Variants in MTREX observed in about 807,000 individuals in gnomAD.
MTREX encodes Mtr4 exosome RNA helicase, also known as exosome RNA helicase MTR4.
A neutral mutation model predicts 135.4 loss-of-function variants in MTREX; 76 were observed. That is an observed-to-expected ratio of 0.56 (90% CI 0.47 to 0.68). The LOEUF (loss-of-function observed/expected upper bound fraction) is 0.68. Ranked by LOEUF, MTREX falls within the 30% of genes least tolerant of loss-of-function variation. The pLI is 0.00. For synonymous variants in MTREX, 404 were observed against 401.6 expected (o/e 1.01, Z -0.07); for missense variants, 920 against 1,262.1 (o/e 0.73, Z 4.11).
rs753434003 is a variant in MTREX at position 55,350,935 on chromosome 5, C to T, written c.1337C>T (p.Pro446Leu). The change falls in exon 13 of 27, where the codon CCT becomes CTT. Residue 446 changes from proline to leucine, a missense_variant. By Grantham distance (98) the Pro-to-Leu change is moderately conservative (BLOSUM62 -3). Transcript: ENST00000230640. Reference sequence around the variant, plus strand: ...AAATCACAGGTAGAACATGTACTTCCTCTTTTGAAGAGGGGAATTGGTATT... The same window carrying T: ...AAATCACAGGTAGAACATGTACTTCTTCTTTTGAAGAGGGGAATTGGTATT... ...KKLPQVEHVL[P>L]LLKRGIGIHH... The T allele has an allele frequency of 6.2e-7, 1 of 1,601,586 alleles. No individual in the cohort carries two copies. Among genetic ancestry groups the T allele is most frequent in the Non-Finnish European group, 8.5e-7 (1 of 1,176,528 alleles).
intron 10 of MTREX, among the ~76,000 whole-genome samples, chr5:55,345,752 C>G (rs1000133028): frequency 2.9e-5 from 4 of 140,032 alleles, no homozygotes; most frequent in African/African-American, 1.1e-4. Context: ...TTGCAACTTT[C>G]TGCCTCCTGG....
At chr5:55,335,175 T>G (rs2112048390) in intron 5 of MTREX, among the ~76,000 whole-genome samples, 1 of 152,220 alleles carries the variant, frequency 6.6e-6, no homozygotes, top group East Asian at 1.9e-4. Context: ...ATTGGGTTGT[T>G]GGTCTTAATT....
At chr5:55,341,986 T>G (rs1257232363) in intron 7 of MTREX, among the ~76,000 whole-genome samples, 1 of 152,170 alleles carries the variant, frequency 6.6e-6, no homozygotes, top group Non-Finnish European at 1.5e-5. Flanking sequence ...GGATCCTAGG[T>G]AGGATCATGG....
intron 16 of MTREX, among the ~76,000 whole-genome samples, chr5:55,370,323 C>T (rs1750175818): frequency 2.6e-5 from 4 of 152,166 alleles, no homozygotes; most frequent in Admixed American, 2.6e-4. Context: ...TCAGCCTTGG[C>T]CCACATAAAC....
chr5:55,324,504 A>G lies in MTREX; in HGVS notation c.339+306A>G, dbSNP rs182272076. On this transcript the variant is annotated intron_variant, in intron 3 of 26. Coordinates refer to ENST00000230640, the MANE Select transcript of MTREX (RefSeq NM_015360.5). The stretch of plus-strand genomic sequence containing the variant: ...CTGTTGTCGACCAGGCTGGAGTGCA[A>G]TGGCGCAATCTCGGCTTACTGCAAC... The G allele has an allele frequency of 1.1e-4, 15 of 137,974 alleles. No individual in the cohort carries two copies. The East Asian group carries it at 2.1e-3, about 20-fold the overall frequency. The allele number at this position is 137,974 out of a possible 1,614,324, so 8.5% of individuals were successfully genotyped here.
intron 25 of MTREX, among the ~76,000 whole-genome samples, 186 bp from the exon 26 acceptor site, chr5:55,422,692 G>A (rs186944527): frequency 3.9e-5 from 6 of 152,178 alleles, no homozygotes; most frequent in Non-Finnish European, 8.8e-5. Flanking sequence ...TCTACCATTA[G>A]TCAAAGGTGG....
At chr5:55,372,837 G>A (rs1406085751) in intron 16 of MTREX, among the ~76,000 whole-genome samples, 1 of 149,968 alleles carries the variant, frequency 6.7e-6, no homozygotes, top group South Asian at 2.1e-4. Context: ...GACACCAAAA[G>A]CATGAACAAC....
At chr5:55,375,027 G>A (rs957646358) in intron 16 of MTREX, among the ~76,000 whole-genome samples, 5 of 152,182 alleles carry the variant, frequency 3.3e-5, no homozygotes, top group Admixed American at 1.3e-4. Context: ...GTTTTTATTA[G>A]GGAGTTTCAA....
At chr5:55,338,693 T>C (rs564690434) in intron 5 of MTREX, among the ~76,000 whole-genome samples, 1 of 151,678 alleles carries the variant, frequency 6.6e-6, no homozygotes, top group East Asian at 1.9e-4. Context: ...TCAATTTATC[T>C]TCATGTTCAT....
At chr5:55,366,636 A>C (rs1380096799) in intron 15 of MTREX, 89 bp from the exon 16 acceptor site, 2 of 921,336 alleles carry the variant, frequency 2.2e-6, no homozygotes, top group Non-Finnish European at 3.1e-6. Context: ...TTCTTAATGT[A>C]GACTGTTATT....
chr5:55,331,093 C>T (rs995955556), intron 5 of MTREX, among the ~76,000 whole-genome samples: 3 of 151,942 alleles, frequency 2.0e-5, no homozygotes, highest in African/African-American at 7.2e-5. Flanking sequence ...CCTCAGCTTT[C>T]TTGAGCATAT....
chr5:55,412,981 C>G (rs2111616946), intron 23 of MTREX, among the ~76,000 whole-genome samples: 1 of 151,986 alleles, frequency 6.6e-6, no homozygotes, highest in Admixed American at 6.6e-5. Context: ...AAATCAAGTC[C>G]TTTATAAGTA....
chr5:55,328,716 T>C lies in MTREX; in HGVS notation c.420T>C (p.Leu140=). ...GKAAKEYPFI[L]DAFQREAIQC... is the part of the protein sequence containing the mutation. ...TTTTATAGGAATACCCGTTCATTCT[T>C]GATGCTTTTCAAAGAGAGGCCATTC... The change falls in exon 5 of 27, where the codon CTT becomes CTC. Residue 140 remains leucine (L), a synonymous_variant. Coordinates refer to ENST00000230640, the MANE Select transcript of MTREX (RefSeq NM_015360.5). 6.2e-7 allele frequency: 1 copy of C among 1,611,466 alleles called. No homozygotes were observed. Among genetic ancestry groups the C allele is most frequent in the Non-Finnish European group, 8.5e-7 (1 of 1,177,730 alleles).
intron 16 of MTREX, among the ~76,000 whole-genome samples, chr5:55,372,109 G>T (rs541423455): frequency 6.6e-6 from 1 of 152,198 alleles, no homozygotes; most frequent in African/African-American, 2.4e-5. Context: ...TGTAATTCTG[G>T]GCGGGGCAGC....
At chr5:55,379,760 A>G (rs145099225) in intron 18 of MTREX, among the ~76,000 whole-genome samples, 38 of 152,314 alleles carry the variant, frequency 2.5e-4, no homozygotes, top group Admixed American at 1.1e-3. Context: ...ATTGAGTGCT[A>G]AATACAGTGG....
At chr5:55,403,040 A>C (rs1465241328) in intron 21 of MTREX, among the ~76,000 whole-genome samples, 1 of 151,788 alleles carries the variant, frequency 6.6e-6, no homozygotes, top group Non-Finnish European at 1.5e-5. Context: ...CACTGCAAAA[A>C]AATTTTAAAA....
intron 16 of MTREX, among the ~76,000 whole-genome samples, chr5:55,377,620 C>T (rs1750326459): frequency 6.6e-6 from 1 of 152,024 alleles, no homozygotes; most frequent in Non-Finnish European, 1.5e-5. Context: ...TAATAATATG[C>T]CAATATCTTT....
intron 1 of MTREX, among the ~76,000 whole-genome samples, chr5:55,313,175 T>A (rs976203612): frequency 6.6e-6 from 1 of 151,900 alleles, no homozygotes; most frequent in Non-Finnish European, 1.5e-5. Flanking sequence ...CATGGCTCAT[T>A]TCTGTAATCC....
intron 1 of MTREX, among the ~76,000 whole-genome samples, chr5:55,315,023 A>G (rs779539696): frequency 8.5e-5 from 13 of 152,184 alleles, no homozygotes; most frequent in Non-Finnish European, 1.6e-4. Context: ...TGAACTGCCC[A>G]GGGGTTGGGG....
Sources: gnomAD v4.1 joint callset for allele counts (sites outside exome capture counted in the v4.1 genomes callset) on GRCh38, gnomAD v4.1.1 for gene constraint, MANE v1.5 for transcripts, NCBI Gene and HGNC (gene_info 2026-07-23, HGNC 2026-07-21) for gene names.